RABGAP1L: variants seen among roughly 807,000 people sequenced by gnomAD.
RABGAP1L encodes rab GTPase-activating protein 1-like.
Under a neutral mutation model 137.7 loss-of-function variants are expected in RABGAP1L, and 63 were observed. The ratio of observed to expected loss-of-function variants is 0.46; its 90% CI spans 0.37 to 0.56. RABGAP1L has a LOEUF of 0.56. Ranked by LOEUF, RABGAP1L falls within the 20% of genes least tolerant of loss-of-function variation. The probability of loss-of-function intolerance (pLI) is 0.00; values close to 1 mark genes in which losing one functional copy is unlikely to be tolerated. For missense variants in RABGAP1L, 1,095 were observed against 1,244.0 expected, an observed-to-expected ratio of 0.88 and a Z score of 1.80; for synonymous variants, 431 against 433.7, an observed-to-expected ratio of 0.99 and a Z score of 0.08.
chr1:174,902,258 A>G (rs1361016673), intron 19 of RABGAP1L, among the ~76,000 whole-genome samples: 2 of 152,170 alleles, frequency 1.3e-5, no homozygotes, highest in African/African-American at 4.8e-5. Context: ...TGGACCACCT[A>G]TATTCTCCAT....
rs375507492 is a variant in RABGAP1L, at chr1:174,219,390, T to C, written c.138+95T>C. On this transcript the variant is annotated intron_variant, in intron 2 of 25. Coordinates refer to ENST00000681986, the MANE Select transcript of RABGAP1L (RefSeq NM_001366446.1). The stretch of plus-strand genomic sequence containing the variant: ...AAATGCAAAGGTTTTTCTCAAGTGC[T>C]GACTTTCAAAATAAAATCAATGTTT... The C allele has an allele frequency of 1.4e-5, 12 of 830,526 alleles. 1 individual carries two copies. In the African/African-American group the frequency reaches 2.2e-4, roughly 15 times the overall value. 51.4% of individuals were successfully genotyped at this position (830,526 alleles called of 1,614,324 possible).
At chr1:174,497,757 A>G (rs186207316) in intron 13 of RABGAP1L, among the ~76,000 whole-genome samples, 61 of 152,346 alleles carry the variant, frequency 4.0e-4, no homozygotes, top group African/African-American at 1.4e-3. Context: ...AAGAGCAGTG[A>G]CCTTGTCATT....
intron 15 of RABGAP1L, 97 bp from the exon 16 acceptor site, chr1:174,699,428 G>C (rs138873669): frequency 1.8e-6 from 2 of 1,132,296 alleles, no homozygotes; most frequent in Admixed American, 2.6e-5. Flanking sequence ...CAGGCCTTCA[G>C]CTACTTATGC....
chr1:174,917,928 G>A (rs1309536468), intron 19 of RABGAP1L, among the ~76,000 whole-genome samples: 2 of 127,396 alleles, frequency 1.6e-5, no homozygotes, highest in African/African-American at 5.8e-5. Context: ...GTGAGACTCT[G>A]TCTTAAAAAA....
chr1:174,941,774 A>G (rs78433347), intron 19 of RABGAP1L, among the ~76,000 whole-genome samples: 3,612 of 152,348 alleles, frequency 0.024, 61 homozygotes, highest in Middle Eastern at 0.082. Context: ...CGATGCTTAC[A>G]TGCTATCTCT....
intron 1 of RABGAP1L, among the ~76,000 whole-genome samples, chr1:174,199,585 C>A (rs1667956696): frequency 6.6e-6 from 1 of 152,180 alleles, no homozygotes; most frequent in East Asian, 1.9e-4. Context: ...AGCCACCATG[C>A]CCGGCCCATA....
chr1:174,758,924 C>T (rs1612104), intron 18 of RABGAP1L, among the ~76,000 whole-genome samples: 130,136 of 152,152 alleles, frequency 0.86, 59,389 homozygotes, highest in East Asian at 1. Context: ...ACTCTCTTCT[C>T]AATATCCCAT....
At chr1:174,317,725 G>T (rs1204938621) in intron 11 of RABGAP1L, among the ~76,000 whole-genome samples, 1 of 152,158 alleles carries the variant, frequency 6.6e-6, no homozygotes, top group Non-Finnish European at 1.5e-5. Flanking sequence ...CCTAAGAGTT[G>T]CAGTCCTTAT....
intron 19 of RABGAP1L, among the ~76,000 whole-genome samples, chr1:174,881,492 C>CTTT (rs751296977): frequency 0.21 from 17,616 of 85,696 alleles, 2,177 homozygotes; most frequent in Non-Finnish European, 0.24. Context: ...ATATCATTTG[C>CTTT]TTTTTTTTTT....
At chr1:174,270,582 C>A (rs138854918) in intron 7 of RABGAP1L, among the ~76,000 whole-genome samples, 158 of 151,750 alleles carry the variant, frequency 1.0e-3, no homozygotes, top group African/African-American at 3.7e-3. Context: ...CACTTGTAAT[C>A]CTTATGCCTA....
chr1:174,506,383 G>T (rs1422339933), intron 13 of RABGAP1L, among the ~76,000 whole-genome samples: 1 of 152,128 alleles, frequency 6.6e-6, no homozygotes, highest in Non-Finnish European at 1.5e-5. Context: ...TTACTGTCTG[G>T]CCCTTTACAG....
chr1:174,969,243 C>A, intron 20 of RABGAP1L, 34 bp from the exon 21 acceptor site: 1 of 1,470,314 alleles, frequency 6.8e-7, no homozygotes, highest in Non-Finnish European at 9.3e-7. Context: ...TGTCCAGACA[C>A]TAATGCCCAC....
In RABGAP1L at chr1:174,366,778, G is replaced by GAAAAA. The variant is rs71117562; in HGVS notation, c.1466-4176_1466-4172dup. On this transcript the variant is annotated intron_variant, in intron 11 of 25. Transcript: ENST00000681986. ...TGACAGAGCCAGACTCCGTCTCCAG[G>GAAAAA]AAAAAAAAAAAAAAAAAAAAAAAAA... is the stretch of plus-strand genomic sequence containing the variant. Among the ~76,000 whole-genome samples the GAAAAA allele has an allele frequency of 2.1e-3, 201 of 94,750 alleles. 3 individuals carry two copies. The highest frequency in any genetic ancestry group is 5.7e-3 in the African/African-American group (180 of 31,314). 62.2% of individuals were successfully genotyped at this position (94,750 alleles called of 152,430 possible). A position where few individuals can be genotyped will look rare whatever the true frequency, so the allele number is the denominator to read the frequency against.
chr1:174,686,257 T>C (rs932777982), intron 15 of RABGAP1L, among the ~76,000 whole-genome samples: 1 of 152,242 alleles, frequency 6.6e-6, no homozygotes, highest in African/African-American at 2.4e-5. Context: ...ATTTTAATTA[T>C]AATAGTTCTA....
At chr1:174,747,890 A>G (rs1351398952) in intron 17 of RABGAP1L, among the ~76,000 whole-genome samples, 1 of 149,722 alleles carries the variant, frequency 6.7e-6, no homozygotes, top group Non-Finnish European at 1.5e-5. Context: ...TTTTTAATAT[A>G]TGTCTTCATT....
intron 19 of RABGAP1L, among the ~76,000 whole-genome samples, chr1:174,952,168 C>T (rs911626603): frequency 1.3e-5 from 2 of 151,856 alleles, no homozygotes; most frequent in Non-Finnish European, 2.9e-5. Context: ...AGCCCTTGAA[C>T]TCCTAAATAA....
chr1:174,800,453 G>C, intron 18 of RABGAP1L: 1 of 1,550,938 alleles, frequency 6.4e-7, no homozygotes. Context: ...TCGAGTGCTG[G>C]AACTTCTGGG....
intron 13 of RABGAP1L, among the ~76,000 whole-genome samples, chr1:174,611,563 T>C (rs1049578481): frequency 1.3e-5 from 2 of 149,408 alleles, no homozygotes; most frequent in Non-Finnish European, 3.0e-5. Flanking sequence ...CCATATGAAC[T>C]TTAAAGTAGT....
At chr1:174,324,849 A>G (rs897644531) in intron 11 of RABGAP1L, among the ~76,000 whole-genome samples, 3 of 152,206 alleles carry the variant, frequency 2.0e-5, no homozygotes, top group Admixed American at 1.3e-4. Flanking sequence ...AAAGACCAAA[A>G]TCTGTTCTTA....
Sources: allele counts gnomAD v4.1 joint callset (sites outside exome capture counted in the v4.1 genomes callset), GRCh38; gene constraint gnomAD v4.1.1; transcripts MANE v1.5; gene names NCBI Gene and HGNC (gene_info 2026-07-23, HGNC 2026-07-21).